Variants in LSAMP observed in about 807,000 individuals in gnomAD.
LSAMP encodes limbic system-associated membrane protein.
LSAMP carries 7 observed loss-of-function variants against 38.6 expected under a neutral mutation model. The observed-to-expected ratio is 0.18, with a 90% CI of 0.10 to 0.34. LSAMP has a LOEUF of 0.34. LSAMP is among the 10% of genes least tolerant of loss of function. The pLI is 1.00. For synonymous variants in LSAMP, 154 were observed against 166.8 expected (o/e 0.92, Z 0.59); for missense variants, 313 against 420.0 (o/e 0.75, Z 2.23).
chr3:116,076,289 G>A lies in LSAMP; in HGVS notation c.388+10035C>T, dbSNP rs145498208. ...TTTTTTTAATTTGAGACGGAGTCTC[G>A]CTCTGTCACCCAGGCTGGAGTGCAG... On this transcript the variant is annotated intron_variant, in intron 2 of 6. Coordinates refer to ENST00000490035, the MANE Select transcript of LSAMP (RefSeq NM_002338.5). Among the ~76,000 whole-genome samples the A allele has an allele frequency of 2.3e-3, 346 of 151,638 alleles. 1 individual carries two copies. Among genetic ancestry groups the A allele is most frequent in the Non-Finnish European group, 3.6e-3 (244 of 67,932 alleles).
In LSAMP at chr3:115,862,135, A is replaced by G. The variant is rs560894599; in HGVS notation, c.515-9518T>C. 3.3e-5 allele frequency among the ~76,000 whole-genome samples: 5 copies of G among 152,312 alleles called. No individual in the cohort carries two copies. In the South Asian group the frequency reaches 1.0e-3, roughly 32 times the overall value. On this transcript the variant is annotated intron_variant, in intron 3 of 6. Transcript: ENST00000490035. The stretch of plus-strand genomic sequence containing the variant: ...CAGGGACAAATATTAGAATTGCTGG[A>G]CAGAGTCAGTAACAAACAAGATCAC...
chr3:115,915,747 C>T (rs1937236771), intron 3 of LSAMP, among the ~76,000 whole-genome samples: 1 of 152,084 alleles, frequency 6.6e-6, no homozygotes, highest in African/African-American at 2.4e-5. Context: ...ATTCTCCTGC[C>T]TCAGCCTCCC....
chr3:116,288,407 G>C (rs538873417), intron 1 of LSAMP, among the ~76,000 whole-genome samples: 2 of 152,188 alleles, frequency 1.3e-5, no homozygotes, highest in Non-Finnish European at 2.9e-5. Flanking sequence ...GCCAGTGCCT[G>C]CTCCCCCATC....
At chr3:116,415,090 GAA>G (rs66962956) in intron 1 of LSAMP, among the ~76,000 whole-genome samples, 1 of 147,914 alleles carries the variant, frequency 6.8e-6, no homozygotes, top group African/African-American at 2.5e-5. Flanking sequence ...CACTAAAAAC[GAA>G]AAAAAAAATC....
chr3:116,374,320 C>T, intron 1 of LSAMP, among the ~76,000 whole-genome samples: 1 of 151,848 alleles, frequency 6.6e-6, no homozygotes, highest in Non-Finnish European at 1.5e-5. Flanking sequence ...AAGAGACTTA[C>T]TTTTTGCATG....
At chr3:116,038,620 A>G (rs1240498953) in intron 2 of LSAMP, among the ~76,000 whole-genome samples, 1 of 152,122 alleles carries the variant, frequency 6.6e-6, no homozygotes, top group Non-Finnish European at 1.5e-5. Context: ...CTTCTCTGAG[A>G]TGTATGCTAT....
intron 1 of LSAMP, among the ~76,000 whole-genome samples, chr3:116,284,255 G>C (rs1176243824): frequency 6.6e-6 from 1 of 152,100 alleles, no homozygotes; most frequent in African/African-American, 2.4e-5. Flanking sequence ...GTTCCCTCTT[G>C]TAGGGCAATT....
chr3:115,997,713 G>GACATAT (rs1939854333), intron 3 of LSAMP, among the ~76,000 whole-genome samples: 1 of 91,658 alleles, frequency 1.1e-5, no homozygotes, highest in Non-Finnish European at 2.1e-5. Flanking sequence ...GACATTTTGG[G>GACATAT]ATATATATAT....
intron 3 of LSAMP, among the ~76,000 whole-genome samples, chr3:115,991,950 C>A (rs1408019848): frequency 6.6e-6 from 1 of 152,022 alleles, no homozygotes; most frequent in Non-Finnish European, 1.5e-5. Flanking sequence ...TTCTTTTCCC[C>A]ACCCATGTTT....
intron 6 of LSAMP, among the ~76,000 whole-genome samples, chr3:115,822,863 T>G (rs1290653276): frequency 6.6e-6 from 1 of 152,246 alleles, no homozygotes; most frequent in Non-Finnish European, 1.5e-5. Context: ...TATAGTTGTC[T>G]GTGACTAGAA....
At chr3:116,219,130 C>A (rs1163852524) in intron 1 of LSAMP, among the ~76,000 whole-genome samples, 1 of 152,170 alleles carries the variant, frequency 6.6e-6, no homozygotes, top group African/African-American at 2.4e-5. Context: ...TGCTTCTGAT[C>A]CCTAGCAACA....
intron 6 of LSAMP, among the ~76,000 whole-genome samples, chr3:115,838,356 C>T (rs1934865177): frequency 6.6e-6 from 1 of 152,156 alleles, no homozygotes; most frequent in Non-Finnish European, 1.5e-5. Context: ...CTATCTATCA[C>T]CTTTGTGGGT....
chr3:115,990,360 T>A (rs1939632261), intron 3 of LSAMP, among the ~76,000 whole-genome samples: 1 of 152,082 alleles, frequency 6.6e-6, no homozygotes, highest in Non-Finnish European at 1.5e-5. Context: ...CTGAGCCTCT[T>A]GATGCTACTT....
chr3:116,145,307 T>A (rs554124211), intron 1 of LSAMP, among the ~76,000 whole-genome samples: 10 of 151,996 alleles, frequency 6.6e-5, no homozygotes, highest in Non-Finnish European at 1.5e-4. Context: ...GAACCAGAAC[T>A]AATAGCTTAT....
intron 1 of LSAMP, among the ~76,000 whole-genome samples, chr3:116,410,368 T>C (rs1394952730): frequency 3.9e-5 from 6 of 152,136 alleles, no homozygotes; most frequent in Middle Eastern, 3.4e-3. Flanking sequence ...TGGACTCTGG[T>C]GAAGCTGAAG....
At chr3:116,002,464 T>A (rs76299293) in intron 3 of LSAMP, among the ~76,000 whole-genome samples, 1 of 152,168 alleles carries the variant, frequency 6.6e-6, no homozygotes, top group Non-Finnish European at 1.5e-5. Context: ...GCCTTTTGAA[T>A]GCGCAGTTTT....
intron 1 of LSAMP, among the ~76,000 whole-genome samples, chr3:116,226,257 C>T (rs1267814849): frequency 6.6e-6 from 1 of 152,202 alleles, no homozygotes; most frequent in Non-Finnish European, 1.5e-5. Flanking sequence ...CAAGTTCTTT[C>T]CTCAGATAAT....
At chr3:116,109,459 G>C (rs939842149) in intron 1 of LSAMP, among the ~76,000 whole-genome samples, 2 of 152,168 alleles carry the variant, frequency 1.3e-5, no homozygotes, top group African/African-American at 2.4e-5. Context: ...GGGAGGGAAA[G>C]AAGGAAGATT....
chr3:116,050,956 C>G (rs1441912125), intron 2 of LSAMP, among the ~76,000 whole-genome samples: 1 of 152,076 alleles, frequency 6.6e-6, no homozygotes, highest in African/African-American at 2.4e-5. Flanking sequence ...CTTCAGAATT[C>G]CAAGAAAGTG....
Sources: allele counts gnomAD v4.1 joint callset (sites outside exome capture counted in the v4.1 genomes callset), GRCh38; gene constraint gnomAD v4.1.1; transcripts MANE v1.5; gene names NCBI Gene and HGNC (gene_info 2026-07-23, HGNC 2026-07-21).